PPFIA2: variants seen among roughly 807,000 people sequenced by gnomAD.
The protein encoded by PPFIA2 is PPFI scaffold protein A2.
A neutral mutation model predicts 175.5 loss-of-function variants in PPFIA2; 46 were observed. The ratio of observed to expected loss-of-function variants is 0.26; its 90% CI spans 0.21 to 0.34. PPFIA2 has a LOEUF of 0.34. Among genes scored for constraint, PPFIA2 ranks in the 10% least tolerant of loss-of-function variants. The pLI, the probability that PPFIA2 is intolerant of heterozygous loss-of-function variation, is 1.00. For synonymous variants in PPFIA2, 568 were observed against 511.4 expected (o/e 1.11, Z -1.49); for missense variants, 1,179 against 1,506.1 (o/e 0.78, Z 3.60).
rs2077725743 is a variant in PPFIA2, at chr12:81,710,314, A to T, written c.250-33470T>A. ...AAATTGCACACTCTCTCTCACACACACACACATACACACACACAATGTACA... is the reference window on the plus strand; with the variant it reads ...AAATTGCACACTCTCTCTCACACACTCACACATACACACACACAATGTACA... On this transcript the variant is annotated intron_variant, in intron 3 of 32. Transcript: ENST00000549396. Among the ~76,000 whole-genome samples, 3 of 151,968 alleles carry T rather than the reference A, an allele frequency of 2.0e-5. No individual in the cohort carries two copies. In the South Asian group the frequency reaches 6.2e-4, roughly 31 times the overall value.
intron 24 of PPFIA2, chr12:81,293,013 A>C (rs2045457585): frequency 6.6e-6 from 1 of 152,058 alleles, no homozygotes; most frequent in South Asian, 2.1e-4. Flanking sequence ...AAATGTGTAA[A>C]TAGAAATGAA....
chr12:81,684,417 T>C (rs914457664), intron 3 of PPFIA2, among the ~76,000 whole-genome samples: 14 of 151,922 alleles, frequency 9.2e-5, no homozygotes, highest in African/African-American at 3.4e-4. Flanking sequence ...CAGCAAGAGG[T>C]GAATACCTAT....
intron 22 of PPFIA2, among the ~76,000 whole-genome samples, chr12:81,317,258 G>C (rs1349335042): frequency 6.6e-6 from 1 of 151,608 alleles, no homozygotes; most frequent in African/African-American, 2.4e-5. Context: ...GGGAAGCAGA[G>C]AGATAAAGCT....
At chr12:81,568,638 G>A (rs1419447386) in intron 4 of PPFIA2, among the ~76,000 whole-genome samples, 2 of 152,124 alleles carry the variant, frequency 1.3e-5, no homozygotes, top group Non-Finnish European at 2.9e-5. Flanking sequence ...TCCTACAGGG[G>A]ATACAAGGGA....
intron 3 of PPFIA2, among the ~76,000 whole-genome samples, chr12:81,694,902 G>A (rs1043846163): frequency 1.5e-4 from 23 of 152,122 alleles, no homozygotes; most frequent in African/African-American, 4.8e-4. Flanking sequence ...TATGGGATAC[G>A]GAATAAAGAT....
intron 4 of PPFIA2, among the ~76,000 whole-genome samples, chr12:81,612,739 T>C (rs570824972): frequency 6.6e-6 from 1 of 152,344 alleles, no homozygotes; most frequent in South Asian, 2.1e-4. Context: ...TGATGTTTTA[T>C]TTTTACATAA....
chr12:81,302,345 G>C (rs945401720), intron 22 of PPFIA2, among the ~76,000 whole-genome samples: 1 of 152,102 alleles, frequency 6.6e-6, no homozygotes, highest in Non-Finnish European at 1.5e-5. Flanking sequence ...ATTTGGTTAA[G>C]AGGCAACCCA....
At chr12:81,582,418 T>C (rs991644129) in intron 4 of PPFIA2, among the ~76,000 whole-genome samples, 1 of 151,840 alleles carries the variant, frequency 6.6e-6, no homozygotes, top group Non-Finnish European at 1.5e-5. Context: ...AAATGTAATA[T>C]ACTAACTGGC....
At chr12:81,524,400 A>G (rs938443464) in intron 4 of PPFIA2, among the ~76,000 whole-genome samples, 14 of 152,226 alleles carry the variant, frequency 9.2e-5, no homozygotes, top group African/African-American at 3.4e-4. Context: ...GTGGGCCTCA[A>G]GGGCAGACAA....
intron 4 of PPFIA2, among the ~76,000 whole-genome samples, chr12:81,658,722 A>G (rs560538887): frequency 6.6e-6 from 1 of 152,158 alleles, no homozygotes; most frequent in African/African-American, 2.4e-5. Flanking sequence ...TATGTTTTAT[A>G]TATGTTTAAG....
intron 4 of PPFIA2, among the ~76,000 whole-genome samples, chr12:81,621,644 T>G (rs7960939): frequency 6.6e-6 from 1 of 151,932 alleles, no homozygotes; most frequent in Non-Finnish European, 1.5e-5. Flanking sequence ...ACTCCAAAAA[T>G]ATTTTGAAGG....
At chr12:81,699,475 C>T (rs2076257973) in intron 3 of PPFIA2, among the ~76,000 whole-genome samples, 2 of 151,362 alleles carry the variant, frequency 1.3e-5, no homozygotes, top group South Asian at 4.2e-4. Context: ...GGTAAAATTG[C>T]TTTCTTCATA....
At chr12:81,411,111 G>A (rs954393015) in intron 7 of PPFIA2, among the ~76,000 whole-genome samples, 1 of 152,092 alleles carries the variant, frequency 6.6e-6, no homozygotes, top group Non-Finnish European at 1.5e-5. Flanking sequence ...ACCTAAGTGA[G>A]GATTTTGGAG....
At chr12:81,742,368 G>A (rs2082426693) in intron 3 of PPFIA2, among the ~76,000 whole-genome samples, 1 of 152,156 alleles carries the variant, frequency 6.6e-6, no homozygotes, top group Admixed American at 6.5e-5. Flanking sequence ...GGTAAGAGAT[G>A]GTGACTCTGA....
intron 3 of PPFIA2, among the ~76,000 whole-genome samples, chr12:81,708,089 G>A (rs2077437392): frequency 6.6e-6 from 1 of 150,766 alleles, no homozygotes; most frequent in Non-Finnish European, 1.5e-5. Context: ...GAGTTAGTGG[G>A]TGCAGCGCAC....
At chr12:81,266,535 C>T (rs2037308516) in intron 30 of PPFIA2, among the ~76,000 whole-genome samples, 1 of 152,058 alleles carries the variant, frequency 6.6e-6, no homozygotes, top group Non-Finnish European at 1.5e-5. Flanking sequence ...TTTATTGAAG[C>T]AAGTTTTATC....
At chr12:81,731,878 T>C (rs1376803581) in intron 3 of PPFIA2, among the ~76,000 whole-genome samples, 1 of 151,624 alleles carries the variant, frequency 6.6e-6, no homozygotes, top group African/African-American at 2.4e-5. Flanking sequence ...TTCAGCAAGC[T>C]CTTAAACATG....
intron 22 of PPFIA2, 100 bp from the exon 23 acceptor site, chr12:81,299,482 A>G (rs2047292034): frequency 7.0e-7 from 1 of 1,429,522 alleles, no homozygotes; most frequent in South Asian, 1.4e-5. Context: ...ATCCTTTACA[A>G]GATTTTTTAT....
At chr12:81,689,076 C>T (rs1237931584) in intron 3 of PPFIA2, among the ~76,000 whole-genome samples, 4 of 150,666 alleles carry the variant, frequency 2.7e-5, no homozygotes, top group Non-Finnish European at 5.9e-5. Flanking sequence ...GAAGTAATAG[C>T]CTTGGAGGAA....
Sources: allele counts gnomAD v4.1 joint callset (sites outside exome capture counted in the v4.1 genomes callset), GRCh38; gene constraint gnomAD v4.1.1; transcripts MANE v1.5; gene names NCBI Gene and HGNC (gene_info 2026-07-23, HGNC 2026-07-21).